The following MIA2 variants were observed in gnomAD, a reference collection of about 807,000 sequenced individuals.
The protein encoded by MIA2 is melanoma inhibitory activity protein 2.
In MIA2, 127 loss-of-function variants were observed where a neutral mutation model predicts 167.8. The ratio of observed to expected loss-of-function variants is 0.76; its 90% CI spans 0.66 to 0.88. MIA2 has a LOEUF of 0.88. Among genes scored for constraint, MIA2 ranks in the 40% least tolerant of loss-of-function variants. The probability of loss-of-function intolerance (pLI) is 0.00; values close to 1 mark genes in which losing one functional copy is unlikely to be tolerated. For missense variants in MIA2, 1,690 were observed against 1,624.7 expected (o/e 1.04, Z -0.69); for synonymous variants, 552 against 541.9 (o/e 1.02, Z -0.26).
intron 13 of MIA2, among the ~76,000 whole-genome samples, chr14:39,298,413 T>TATATATATATATATATATATA (rs2061741128): frequency 3.8e-5 from 1 of 26,138 alleles, no homozygotes; most frequent in Non-Finnish European, 8.1e-5. Flanking sequence ...TGATTCTGTT[T>TATATATATATATATATATATA]TATATATATA....
At chr14:39,383,973 C>A (rs2075219813) in intron 23 of MIA2, among the ~76,000 whole-genome samples, 1 of 152,192 alleles carries the variant, frequency 6.6e-6, no homozygotes, top group Non-Finnish European at 1.5e-5. Flanking sequence ...GTAGAAGCTG[C>A]AGCAAGTTAT....
chr14:39,251,612 T>C (rs942875590), intron 4 of MIA2, among the ~76,000 whole-genome samples: 2 of 152,170 alleles, frequency 1.3e-5, no homozygotes, highest in African/African-American at 2.4e-5. Flanking sequence ...AAAACATTAT[T>C]GTAGATCACT....
At chr14:39,338,610 A>C (rs995259004) in intron 25 of MIA2, among the ~76,000 whole-genome samples, 1 of 152,252 alleles carries the variant, frequency 6.6e-6, no homozygotes, top group Non-Finnish European at 1.5e-5. Flanking sequence ...CACAATTAAA[A>C]TTTTAACAGA....
chr14:39,272,152 G>T (rs1400999995), intron 6 of MIA2, among the ~76,000 whole-genome samples: 1 of 152,136 alleles, frequency 6.6e-6, no homozygotes, highest in East Asian at 1.9e-4. Context: ...AGGAGTTTGA[G>T]ACCAGCCTGG....
At chr14:39,358,786 T>G (rs1595937251) in intron 23 of MIA2, among the ~76,000 whole-genome samples, 1 of 152,360 alleles carries the variant, frequency 6.6e-6, no homozygotes, top group East Asian at 1.9e-4. Context: ...GATCCTCAGC[T>G]GCAGGTCTGT....
At chr14:39,372,459 A>G (rs1017072611) in intron 23 of MIA2, among the ~76,000 whole-genome samples, 2 of 152,210 alleles carry the variant, frequency 1.3e-5, no homozygotes, top group African/African-American at 4.8e-5. Context: ...TTAAGGATGT[A>G]TATAATAGAA....
chr14:39,321,127 A>G, intron 24 of MIA2, 71 bp downstream of exon 24: 8 of 1,444,550 alleles, frequency 5.5e-6, no homozygotes, highest in Non-Finnish European at 7.5e-6. Flanking sequence ...AACTTACCTT[A>G]AAAATGATCT....
chr14:39,353,138 C>T (rs540104800), downstream of MIA2, among the ~76,000 whole-genome samples: 76 of 152,208 alleles, frequency 5.0e-4, no homozygotes, highest in African/African-American at 1.7e-3. Context: ...ATGATCAAGT[C>T]AGGGTATTTG....
chr14:39,385,420 GTGT>G, intron 23 of MIA2: 1 of 1,310,588 alleles, frequency 7.6e-7, no homozygotes, highest in Non-Finnish European at 1.1e-6. Context: ...TGTACTTGAT[GTGT>G]TACTTGGAGA....
At position 39,345,967 on chromosome 14, in the gene MIA2, G is replaced by T. The variant is rs1247449031; in HGVS notation, c.3719G>T (p.Gly1240Val). ...QRQDRFCSNS[G>V]RLSGPAELRS... Reference sequence around the variant, plus strand: ...CAAGACAGATTTTGTTCTAATTCTGGTAGACTGTCTGGACCAGCAGAACTC... The same window carrying T: ...CAAGACAGATTTTGTTCTAATTCTGTTAGACTGTCTGGACCAGCAGAACTC... The change falls in exon 26 of 29, where the codon GGT becomes GTT. Residue 1240 changes from glycine (G) to valine (V), a missense_variant. Coordinates refer to ENST00000640607, the MANE Select transcript of MIA2 (RefSeq NM_001329214.4). 2 of 1,611,272 alleles carry T rather than the reference G, an allele frequency of 1.2e-6. No individual in the cohort carries two copies. Among genetic ancestry groups the T allele is most frequent in the Non-Finnish European group, 1.7e-6 (2 of 1,177,978 alleles).
At chr14:39,245,017 G>A (rs991338122) in intron 3 of MIA2, among the ~76,000 whole-genome samples, 1 of 150,420 alleles carries the variant, frequency 6.6e-6, no homozygotes, top group Non-Finnish European at 1.5e-5. Flanking sequence ...GGCTCAAGCA[G>A]TCTGCCCACC....
At chr14:39,293,968 T>C (rs373133194) in intron 11 of MIA2, 32 bp from the exon 12 acceptor site, 42 of 1,556,290 alleles carry the variant, frequency 2.7e-5, no homozygotes, top group Non-Finnish European at 3.2e-5. Flanking sequence ...TAGAGTTTAG[T>C]AAATATTAAT....
intron 1 of MIA2, among the ~76,000 whole-genome samples, chr14:39,235,993 A>C (rs531309930): frequency 6.6e-6 from 1 of 152,190 alleles, no homozygotes; most frequent in East Asian, 1.9e-4. Flanking sequence ...GTGTATATTC[A>C]TGTGTTGAAC....
At chr14:39,267,010 T>C (rs2055842444) in intron 6 of MIA2, 16 of 931,636 alleles carry the variant, frequency 1.7e-5, no homozygotes, top group Non-Finnish European at 1.9e-5. Flanking sequence ...CCCAAGCCTC[T>C]CCACTACCAG....
intron 6 of MIA2, among the ~76,000 whole-genome samples, chr14:39,270,670 A>G (rs2056989308): frequency 6.6e-6 from 1 of 152,152 alleles, no homozygotes; most frequent in Admixed American, 6.5e-5. Context: ...CTGGTGTTAC[A>G]GATGTGAGCC....
At chr14:39,293,469 T>G in intron 11 of MIA2, 88 bp downstream of exon 11, 1 of 931,412 alleles carries the variant, frequency 1.1e-6, no homozygotes, top group Non-Finnish European at 1.6e-6. Flanking sequence ...AAGTATTACA[T>G]TATTGTAAAA....
intron 7 of MIA2, among the ~76,000 whole-genome samples, chr14:39,278,654 G>A (rs1230827810): frequency 6.6e-6 from 1 of 152,190 alleles, no homozygotes. Context: ...CAGATCTATG[G>A]CCCTATGGTA....
intron 4 of MIA2, among the ~76,000 whole-genome samples, chr14:39,250,522 C>G (rs577864301): frequency 2.0e-5 from 3 of 151,258 alleles, no homozygotes; most frequent in East Asian, 3.9e-4. Context: ...ATGATGAAAC[C>G]CTGTCTCTAC....
chr14:39,361,715 C>T (rs1361419625), intron 23 of MIA2, among the ~76,000 whole-genome samples: 1 of 152,178 alleles, frequency 6.6e-6, no homozygotes, highest in Non-Finnish European at 1.5e-5. Flanking sequence ...GCTGGGATTA[C>T]AGGCTTGAGC....
Sources: gnomAD v4.1 joint callset for allele counts (sites outside exome capture counted in the v4.1 genomes callset) on GRCh38, gnomAD v4.1.1 for gene constraint, MANE v1.5 for transcripts, NCBI Gene and HGNC (gene_info 2026-07-23, HGNC 2026-07-21) for gene names.